Variants in PRKAG2 observed in about 807,000 individuals in gnomAD.
PRKAG2 encodes protein kinase AMP-activated non-catalytic subunit gamma 2.
A neutral mutation model predicts 69.6 loss-of-function variants in PRKAG2; 26 were observed. The observed-to-expected ratio is 0.37, with a 90% CI of 0.27 to 0.52. The LOEUF (loss-of-function observed/expected upper bound fraction) is 0.52, where lower values mean the gene tolerates loss of function less well. Among genes scored for constraint, PRKAG2 ranks in the 20% least tolerant of loss-of-function variants. The pLI is 0.90. For synonymous variants in PRKAG2, 293 were observed against 285.0 expected (o/e 1.03, Z -0.28); for missense variants, 557 against 740.0 (o/e 0.75, Z 2.87).
At chr7:151,865,882 T>A (rs184792442) in intron 1 of PRKAG2, among the ~76,000 whole-genome samples, 197 of 151,790 alleles carry the variant, frequency 1.3e-3, no homozygotes, top group African/African-American at 4.6e-3. Flanking sequence ...TAGCTGGGTG[T>A]GGTGGCGGGC....
intron 1 of PRKAG2, among the ~76,000 whole-genome samples, chr7:151,812,460 AAAG>A (rs1427651764): frequency 6.6e-6 from 1 of 152,232 alleles, no homozygotes; most frequent in Non-Finnish European, 1.5e-5. Flanking sequence ...AGCTGAGCTG[AAAG>A]AAGAACACAA....
intron 1 of PRKAG2, among the ~76,000 whole-genome samples, chr7:151,861,025 T>C (rs911301986): frequency 1.8e-4 from 27 of 152,220 alleles, no homozygotes; most frequent in Admixed American, 3.3e-4. Context: ...TCCTGGCACG[T>C]GGACCAAGGC....
intron 1 of PRKAG2, among the ~76,000 whole-genome samples, chr7:151,794,494 A>AG (rs2077401979): frequency 6.6e-6 from 1 of 152,176 alleles, no homozygotes; most frequent in Admixed American, 6.5e-5. Context: ...CCGCGGTGTG[A>AG]GCCCCCGTGG....
intron 4 of PRKAG2, among the ~76,000 whole-genome samples, chr7:151,666,444 G>A (rs1016053652): frequency 6.6e-5 from 10 of 152,190 alleles, no homozygotes; most frequent in African/African-American, 1.4e-4. Flanking sequence ...CTCCAGAACC[G>A]TGACACATCA....
chr7:151,776,818 A>AT (rs1218587812), intron 3 of PRKAG2, among the ~76,000 whole-genome samples: 7 of 152,148 alleles, frequency 4.6e-5, no homozygotes, highest in Non-Finnish European at 2.9e-5. Context: ...CAGTGTGTGG[A>AT]TTAGGGGCAC....
rs534606738 is a variant in PRKAG2 at position 151,853,716 on chromosome 7, T to C, written c.114+22791A>G. Reference sequence around the variant, plus strand: ...TGGAGCTTGCAGTGAGCTGAGATCATGCCACTGCAGTCCAGCCTGGGCAAC... The same window carrying C: ...TGGAGCTTGCAGTGAGCTGAGATCACGCCACTGCAGTCCAGCCTGGGCAAC... On this transcript the variant is annotated intron_variant, in intron 1 of 15. Transcript: ENST00000287878. Among the ~76,000 whole-genome samples the C allele has an allele frequency of 3.3e-3, 481 of 146,298 alleles. 3 individuals carry two copies. Among genetic ancestry groups the C allele is most frequent in the African/African-American group, 0.01 (411 of 39,182 alleles).
intron 3 of PRKAG2, chr7:151,736,244 G>A: frequency 7.4e-7 from 1 of 1,356,440 alleles, no homozygotes; most frequent in East Asian, 2.8e-5. Flanking sequence ...TCCTGACGGG[G>A]CTGCACCTCC....
intron 5 of PRKAG2, chr7:151,631,780 G>C (rs1824497542): frequency 6.2e-6 from 3 of 480,584 alleles, no homozygotes; most frequent in Non-Finnish European, 1.2e-5. Flanking sequence ...TGTAATTCGA[G>C]TTCGGCGAGT....
chr7:151,872,597 C>T (rs1392306749), intron 1 of PRKAG2, among the ~76,000 whole-genome samples: 1 of 152,222 alleles, frequency 6.6e-6, no homozygotes, highest in Non-Finnish European at 1.5e-5. Context: ...CCTGAGGCAT[C>T]CTGCAGAACC....
intron 1 of PRKAG2, among the ~76,000 whole-genome samples, chr7:151,787,525 C>T (rs1244919820): frequency 6.6e-6 from 1 of 152,204 alleles, no homozygotes; most frequent in African/African-American, 2.4e-5. Context: ...GTAGTGTGTG[C>T]CACAGTTCCC....
At chr7:151,846,539 G>A (rs1196752108) in intron 1 of PRKAG2, among the ~76,000 whole-genome samples, 1 of 152,180 alleles carries the variant, frequency 6.6e-6, no homozygotes, top group East Asian at 1.9e-4. Context: ...AGGTGTGAAT[G>A]GCTGCAATTT....
At chr7:151,841,581 T>C (rs1340261962) in intron 1 of PRKAG2, among the ~76,000 whole-genome samples, 3 of 144,620 alleles carry the variant, frequency 2.1e-5, no homozygotes, top group Non-Finnish European at 4.5e-5. Flanking sequence ...GTAGTGATGG[T>C]AGTGATGGTA....
At chr7:151,604,676 T>C (rs1324269789) in intron 5 of PRKAG2, among the ~76,000 whole-genome samples, 1 of 151,998 alleles carries the variant, frequency 6.6e-6, no homozygotes, top group African/African-American at 2.4e-5. Context: ...ACCCCAACAA[T>C]GTATTAACAA....
intron 5 of PRKAG2, among the ~76,000 whole-genome samples, chr7:151,622,516 TG>T (rs1347300178): frequency 3.3e-5 from 5 of 152,198 alleles, no homozygotes; most frequent in Non-Finnish European, 7.3e-5. Flanking sequence ...TGTTCACCAA[TG>T]GGGACTACTC....
intron 4 of PRKAG2, among the ~76,000 whole-genome samples, chr7:151,667,712 C>T (rs964377167): frequency 9.2e-5 from 14 of 152,188 alleles, no homozygotes; most frequent in African/African-American, 2.2e-4. Context: ...CTGTCACAGG[C>T]ATTTGAACGA....
intron 2 of PRKAG2, among the ~76,000 whole-genome samples, chr7:151,784,481 A>AGAGGCCCTGACCCAGAG (rs1416438757): frequency 6.6e-6 from 1 of 152,200 alleles, no homozygotes; most frequent in Admixed American, 6.5e-5. Flanking sequence ...GCCCCTTAAC[A>AGAGGCCCTGACCCAGAG]GAGGCCCTGA....
intron 3 of PRKAG2, among the ~76,000 whole-genome samples, chr7:151,728,036 GC>G (rs1798285910): frequency 1.3e-5 from 2 of 152,150 alleles, no homozygotes; most frequent in Admixed American, 6.5e-5. Flanking sequence ...AGCTCCGGGG[GC>G]CCGTCCTCCG....
chr7:151,696,578 C>G (rs1222776660), intron 3 of PRKAG2, among the ~76,000 whole-genome samples: 1 of 152,222 alleles, frequency 6.6e-6, no homozygotes, highest in Non-Finnish European at 1.5e-5. Context: ...TAGCCTACGG[C>G]TAAGAGGAAA....
At chr7:151,755,047 C>T (rs1184500354) in intron 3 of PRKAG2, among the ~76,000 whole-genome samples, 1 of 152,114 alleles carries the variant, frequency 6.6e-6, no homozygotes, top group East Asian at 1.9e-4. Flanking sequence ...CCCCGTGAAG[C>T]CCCGACAGAG....
Sources: gnomAD v4.1 joint callset for allele counts (sites outside exome capture counted in the v4.1 genomes callset) on GRCh38, gnomAD v4.1.1 for gene constraint, MANE v1.5 for transcripts, NCBI Gene and HGNC (gene_info 2026-07-23, HGNC 2026-07-21) for gene names.